The following SPATA31D1 variants were observed in gnomAD, a reference collection of about 807,000 sequenced individuals.
SPATA31D1 encodes SPATA31 subfamily D member 1, also known as spermatogenesis-associated protein 31D1.
A neutral mutation model predicts 13.2 loss-of-function variants in SPATA31D1; 6 were observed. The observed-to-expected ratio is 0.46, with a 90% confidence interval of 0.25 to 0.90. SPATA31D1 has a LOEUF of 0.90. SPATA31D1 is among the 40% of genes least tolerant of loss of function. The pLI is 0.18. For synonymous variants in SPATA31D1, 903 were observed against 718.8 expected (o/e 1.26, Z -4.10); for missense variants, 2,445 against 1,884.7 (o/e 1.30, Z -5.50).
chr9:81,994,300 G>C lies in SPATA31D1; in HGVS notation c.3830G>C (p.Cys1277Ser), dbSNP rs777601477. The C allele has an allele frequency of 6.2e-7, 1 of 1,614,018 alleles. No homozygotes were observed. Among genetic ancestry groups the C allele is most frequent in the African/African-American group, 1.3e-5 (1 of 75,050 alleles). Residue 1277 changes from cysteine (C) to serine (S), a missense_variant, in exon 4 of 4, where the codon TGT becomes TCT. Cys to Ser is a moderately radical substitution (Grantham distance 112). Coordinates refer to ENST00000344803, the MANE Select transcript of SPATA31D1 (RefSeq NM_001001670.3). Reference sequence around the variant, plus strand: ...AAGCAGGAGCCCAGGGTCCCTACCTGTGTCTTACAGAAGTGTCAAGTTACG... The same window carrying C: ...AAGCAGGAGCCCAGGGTCCCTACCTCTGTCTTACAGAAGTGTCAAGTTACG... ...AQKQEPRVPT[C>S]VLQKCQVTNF...
In SPATA31D1 at chr9:81,995,136, T is replaced by G. The variant is rs1825072730; in HGVS notation, c.4666T>G (p.Phe1556Val). ...AAGCCCTGTGTTTAGTGATGTGCCT[T>G]TCCTAACTGGACAGAAAATGCTTCC... The part of the protein sequence containing the change: ...AKSPVFSDVP[F>V]LTGQKMLPKH... Residue 1556 changes from phenylalanine to valine, a missense_variant, in exon 4 of 4, where the codon TTC (phenylalanine) becomes GTC (valine). Transcript: ENST00000344803. The G allele has an allele frequency of 6.3e-7, 1 of 1,597,314 alleles. No individual in the cohort carries two copies. The highest frequency in any genetic ancestry group is 8.5e-7 in the Non-Finnish European group (1 of 1,171,398).
In SPATA31D1 at chr9:81,991,824, C is replaced by G. The variant is rs376270710; in HGVS notation, c.1354C>G (p.Arg452Gly). Residue 452 changes from arginine (R) to glycine (G), a missense_variant, in exon 4 of 4, where the codon CGG becomes GGG. Coordinates refer to ENST00000344803, the MANE Select transcript of SPATA31D1 (RefSeq NM_001001670.3). ...LRPNYQLNSS[R>G]NMLTSIAVKH... ...GCCAAACTACCAACTAAATTCCTCACGGAATATGTTAACCTCAATTGCTGT... is the reference window on the plus strand; with the variant it reads ...GCCAAACTACCAACTAAATTCCTCAGGGAATATGTTAACCTCAATTGCTGT... 6.2e-7 allele frequency: 1 copy of G among 1,613,642 alleles called. No homozygotes were observed. The highest frequency in any genetic ancestry group is 1.3e-5 in the African/African-American group (1 of 74,902).
Position 81,991,705 on chromosome 9 carries a change from T to A in SPATA31D1, c.1235T>A (p.Leu412Gln). 6.2e-7 allele frequency: 1 copy of A among 1,613,874 alleles called. No individual in the cohort carries two copies. Among genetic ancestry groups the A allele is most frequent in the South Asian group, 1.1e-5 (1 of 91,074 alleles). ...VNISFLSHDILALLERQVKKR... is the reference protein window; with the variant it reads ...VNISFLSHDIQALLERQVKKR... ...ATCTCATTTCTCAGCCATGACATTC[T>A]GGCACTCCTGGAGAGACAAGTCAAA... The change falls in exon 4 of 4, where the codon CTG (leucine) becomes CAG (glutamine). Residue 412 changes from leucine to glutamine, a missense_variant. Leu to Gln is a moderately radical substitution (Grantham distance 113). Transcript: ENST00000344803.
chr9:81,991,752 T>C lies in SPATA31D1; in HGVS notation c.1282T>C (p.Trp428Arg). 1 of 1,613,738 alleles carries C rather than the reference T, an allele frequency of 6.2e-7. No homozygotes were observed. Among genetic ancestry groups the C allele is most frequent in the South Asian group, 1.1e-5 (1 of 91,068 alleles). The part of the protein sequence containing the change: ...QVKKRGDFLM[W>R]KENGKKPGSF... ...CAAAAAAAGGGGTGATTTCCTGATG[T>C]GGAAAGAAAATGGAAAGAAACCAGG... is the stretch of plus-strand genomic sequence containing the variant. Residue 428 changes from tryptophan to arginine, a missense_variant, in exon 4 of 4, where the codon TGG (tryptophan) becomes CGG (arginine). Coordinates refer to ENST00000344803, the MANE Select transcript of SPATA31D1 (RefSeq NM_001001670.3).
At position 81,990,642 on chromosome 9, in the gene SPATA31D1, A is replaced by AGTGAGGTCATAGGACCTCATATACG. The variant is rs1047356574; in HGVS notation, c.303-122_303-98dup. On this transcript the variant is annotated intron_variant, in intron 3 of 3. Coordinates refer to ENST00000344803, the MANE Select transcript of SPATA31D1 (RefSeq NM_001001670.3). ...AATGAATGTGTTGGGGAGAGGCTAT[A>AGTGAGGTCATAGGACCTCATATACG]GTGAGGTCATAGGACCTCATATACG... 5.2e-6 allele frequency: 7 copies of AGTGAGGTCATAGGACCTCATATACG among 1,345,554 alleles called. No individual in the cohort carries two copies. The African/African-American group carries it at 8.8e-5, about 17-fold the overall frequency. The allele number at this position is 1,345,554 out of a possible 1,614,324, so 83.4% of individuals were successfully genotyped here.
chr9:81,994,806 G>A lies in SPATA31D1; in HGVS notation c.4336G>A (p.Glu1446Lys), dbSNP rs768404946. 10 of 1,613,804 alleles carry A rather than the reference G, an allele frequency of 6.2e-6. No homozygotes were observed. Among genetic ancestry groups the A allele is most frequent in the South Asian group, 1.1e-5 (1 of 91,092 alleles). Residue 1446 changes from glutamate (E) to lysine (K), a missense_variant, in exon 4 of 4, where the codon GAA (glutamate) becomes AAA (lysine). Physicochemically the swap from Glu to Lys is moderately conservative, Grantham distance 56. Coordinates refer to ENST00000344803, the MANE Select transcript of SPATA31D1 (RefSeq NM_001001670.3). ...VGLGKAQHNP[E>K]VHVRAEPVQG... is the part of the protein sequence containing the mutation. ...GCTTGGGAAAGCTCAGCACAACCCA[G>A]AAGTGCATGTCAGAGCAGAGCCTGT...
chr9:81,992,494 G>T lies in SPATA31D1; in HGVS notation c.2024G>T (p.Gly675Val). ...CATGTTCCGATCTCCATCATTCCTG[G>T]AGATTTTCCACTCAGCTCTGAGGTA... ...KVHVPISIIP[G>V]DFPLSSEVRK... The change falls in exon 4 of 4, where the codon GGA (glycine) becomes GTA (valine). Residue 675 changes from glycine to valine, a missense_variant. Gly to Val is a moderately radical substitution (Grantham distance 109). Coordinates refer to ENST00000344803, the MANE Select transcript of SPATA31D1 (RefSeq NM_001001670.3). 1 of 1,611,984 alleles carries T rather than the reference G, an allele frequency of 6.2e-7. No homozygotes were observed. Among genetic ancestry groups the T allele is most frequent in the South Asian group, 1.1e-5 (1 of 90,998 alleles).
Position 81,992,140 on chromosome 9 carries a change from G to C in SPATA31D1, c.1670G>C (p.Ser557Thr). ...CCTCCCCAACCTCTGTCCTTGCCTA[G>C]TACCCAACCACTACCCTTGCCTCAA... The part of the protein sequence containing the change: ...LPPPQPLSLP[S>T]TQPLPLPQTL... The change falls in exon 4 of 4, where the codon AGT (serine) becomes ACT (threonine). Residue 557 changes from serine to threonine, a missense_variant. Ser to Thr is a moderately conservative substitution (Grantham distance 58). Transcript: ENST00000344803. The C allele has an allele frequency of 6.2e-7, 1 of 1,613,538 alleles. No individual in the cohort carries two copies.
Position 81,991,497 on chromosome 9 carries a change from A to G in SPATA31D1, c.1027A>G (p.Ile343Val). Reference sequence around the variant, plus strand: ...TGGGTCATCCACCTCTGCCCCAACAATCAAAGGCATTGACCATTCACACCT... The same window carrying G: ...TGGGTCATCCACCTCTGCCCCAACAGTCAAAGGCATTGACCATTCACACCT... Reference protein sequence around the residue: ...SGGSSTSAPTIKGIDHSHLAS... With the variant: ...SGGSSTSAPTVKGIDHSHLAS... The change falls in exon 4 of 4, where the codon ATC (isoleucine) becomes GTC (valine). Residue 343 changes from isoleucine (I) to valine (V), a missense_variant. Coordinates refer to ENST00000344803, the MANE Select transcript of SPATA31D1 (RefSeq NM_001001670.3). The G allele has an allele frequency of 6.2e-7, 1 of 1,613,932 alleles. No homozygotes were observed. Among genetic ancestry groups the G allele is most frequent in the Non-Finnish European group, 8.5e-7 (1 of 1,179,882 alleles).
rs763860009 is a variant in SPATA31D1, at chr9:81,994,431, C to G, written c.3961C>G (p.Leu1321Val). 4 of 1,613,610 alleles carry G rather than the reference C, an allele frequency of 2.5e-6. No individual in the cohort carries two copies. ...GACATCCCAACGCAGGAGAAAGAGC[C>G]TCCCTGTTCATAACAAGACATCAGG... is the stretch of plus-strand genomic sequence containing the variant. The part of the protein sequence containing the change: ...LGTSQRRRKS[L>V]PVHNKTSGEV... Residue 1321 changes from leucine to valine, a missense_variant, in exon 4 of 4, where the codon CTC (leucine) becomes GTC (valine). Leu to Val is a conservative substitution (Grantham distance 32). Transcript: ENST00000344803.
In SPATA31D1 at chr9:81,994,148, T is replaced by C. The variant is rs375438337; in HGVS notation, c.3678T>C (p.Ser1226=). ...SQPQSHFTDM[S]FALDNLSSKD... is the part of the protein sequence containing the mutation. ...CTCAGAGCCATTTCACTGACATGTC[T>C]TTTGCCTTAGATAACTTGAGTTCCA... The change falls in exon 4 of 4, where the codon TCT becomes TCC. Residue 1226 remains serine (S), a synonymous_variant. Coordinates refer to ENST00000344803, the MANE Select transcript of SPATA31D1 (RefSeq NM_001001670.3). The C allele has an allele frequency of 6.2e-7, 1 of 1,613,988 alleles. No individual in the cohort carries two copies. Among genetic ancestry groups the C allele is most frequent in the Non-Finnish European group, 8.5e-7 (1 of 1,179,882 alleles).
At position 81,990,692 on chromosome 9, in the gene SPATA31D1, G is replaced by A. The variant is rs559928005; in HGVS notation, c.303-81G>A. Reference sequence around the variant, plus strand: ...GGTGAGGTCCTGGGTTGGGGGCAATGTGATATGGGCAGCAGGCTTTAGGGA... The same window carrying A: ...GGTGAGGTCCTGGGTTGGGGGCAATATGATATGGGCAGCAGGCTTTAGGGA... On this transcript the variant is annotated intron_variant, in intron 3 of 3. Transcript: ENST00000344803. 5 of 1,510,772 alleles carry A rather than the reference G, an allele frequency of 3.3e-6. No homozygotes were observed. In the African/African-American group the frequency reaches 5.5e-5, roughly 17 times the overall value. The allele number at this position is 1,510,772 out of a possible 1,614,324, so 93.6% of individuals were successfully genotyped here.
At chr9:81,989,515 G>C (rs1401178175) in intron 1 of SPATA31D1, among the ~76,000 whole-genome samples, 1 of 152,194 alleles carries the variant, frequency 6.6e-6, no homozygotes, top group Non-Finnish European at 1.5e-5. Context: ...GTTGACCTCT[G>C]AGTCTTTGCC....
Position 81,990,760 on chromosome 9 carries a change from G to C in SPATA31D1, c.303-13G>C. On this transcript the variant is annotated splice_polypyrimidine_tract_variant and intron_variant, in intron 3 of 3. Coordinates refer to ENST00000344803, the MANE Select transcript of SPATA31D1 (RefSeq NM_001001670.3). ...TAACAAATCTCCTTTCCTTGTTCTG[G>C]TCCTGACTGCAGCTTTGGACCTCCT... 1 of 1,595,820 alleles carries C rather than the reference G, an allele frequency of 6.3e-7. No homozygotes were observed. The highest frequency in any genetic ancestry group is 8.5e-7 in the Non-Finnish European group (1 of 1,170,188).
At position 81,989,798 on chromosome 9, in the gene SPATA31D1, G is replaced by A. The variant is rs772362702; in HGVS notation, c.207G>A (p.Arg69=). The part of the protein sequence containing the change: ...DIQKHQGRAK[R]RRKGGTFKGF... ...CTCAGCATCAGGGCAGAGCCAAGAG[G>A]AGAAGGAAAGGTGGGACATTCAAAG... Residue 69 remains arginine, a synonymous_variant, in exon 2 of 4, where the codon AGG becomes AGA. Coordinates refer to ENST00000344803, the MANE Select transcript of SPATA31D1 (RefSeq NM_001001670.3). 34 of 1,613,638 alleles carry A rather than the reference G, an allele frequency of 2.1e-5. No individual in the cohort carries two copies. The highest frequency in any genetic ancestry group is 2.9e-5 in the Non-Finnish European group (34 of 1,179,752).
Position 81,994,308 on chromosome 9 carries a change from C to T in SPATA31D1, c.3838C>T (p.Gln1280Ter), listed in dbSNP as rs750762845. The T allele has an allele frequency of 1.2e-5, 19 of 1,613,930 alleles. No homozygotes were observed. Among genetic ancestry groups the T allele is most frequent in the Admixed American group, 1.7e-5 (1 of 60,026 alleles). Residue 1280 changes from glutamine (Q) to a stop codon, truncating the protein, a stop_gained, in exon 4 of 4, where the codon CAG (glutamine) becomes TAG (stop). Coordinates refer to ENST00000344803, the MANE Select transcript of SPATA31D1 (RefSeq NM_001001670.3). LOFTEE classifies it low-confidence loss of function (END_TRUNC). ...GCCCAGGGTCCCTACCTGTGTCTTA[C>T]AGAAGTGTCAAGTTACGAATTTCCC... ...QEPRVPTCVL[Q>*]KCQVTNFPPA...
Position 81,993,215 on chromosome 9 carries a change from G to C in SPATA31D1, c.2745G>C (p.Leu915=). The C allele has an allele frequency of 6.2e-7, 1 of 1,613,968 alleles. No individual in the cohort carries two copies. Among genetic ancestry groups the C allele is most frequent in the Non-Finnish European group, 8.5e-7 (1 of 1,179,868 alleles). ...TTAAAACTTTCCGTATGAGGATGCT[G>C]TGGGGCCTTCCCCTCAAGGTCCTTG... ...AHIKTFRMRM[L]WGLPLKVLES... is the part of the protein sequence containing the mutation. The change falls in exon 4 of 4, where the codon CTG becomes CTC. Residue 915 remains leucine (L), a synonymous_variant. Transcript: ENST00000344803.
rs747244488 is a variant in SPATA31D1, at chr9:81,992,219, A to G, written c.1749A>G (p.Gln583=). Residue 583 remains glutamine, a synonymous_variant, in exon 4 of 4, where the codon CAA becomes CAG. Transcript: ENST00000344803. ...TCACTCAGGTGAAGTCCCTGGCTCA[A>G]CCTCAATCTCCATTCCGAGCCCTAC... The part of the protein sequence containing the change: ...PHLTQVKSLA[Q]PQSPFRALLP... 2 of 1,613,636 alleles carry G rather than the reference A, an allele frequency of 1.2e-6. No homozygotes were observed. Among genetic ancestry groups the G allele is most frequent in the African/African-American group, 1.3e-5 (1 of 74,972 alleles).
rs1824899948 is a variant in SPATA31D1 at position 81,988,942 on chromosome 9, T to C, written c.124T>C (p.Leu42=). Residue 42 remains leucine, a synonymous_variant, in exon 1 of 4, where the codon TTG becomes CTG. Transcript: ENST00000344803. Reference sequence around the variant, plus strand: ...TGGGTTGGGGTTGTTTATACTGTACTTGTTCTACGTGGTATTGACCCTGTA... The same window carrying C: ...TGGGTTGGGGTTGTTTATACTGTACCTGTTCTACGTGGTATTGACCCTGTA... ...LSGLGLFILY[L]FYVVLTLYSS... is the part of the protein sequence containing the mutation. The C allele has an allele frequency of 1.2e-6, 2 of 1,612,152 alleles. No homozygotes were observed. Among genetic ancestry groups the C allele is most frequent in the South Asian group, 1.1e-5 (1 of 91,000 alleles).
Sources: allele counts gnomAD v4.1 joint callset (sites outside exome capture counted in the v4.1 genomes callset), GRCh38; gene constraint gnomAD v4.1.1; transcripts MANE v1.5; gene names NCBI Gene and HGNC (gene_info 2026-07-23, HGNC 2026-07-21).